COPB1: variants seen among roughly 807,000 people sequenced by gnomAD.
COPB1 encodes coat protein complex I subunit beta 1, also known as coatomer subunit beta.
Under a neutral mutation model 108.7 loss-of-function variants are expected in COPB1, and 21 were observed. That is an observed-to-expected ratio of 0.19 (90% CI 0.14 to 0.28). The LOEUF (loss-of-function observed/expected upper bound fraction) is 0.28, where lower values mean the gene tolerates loss of function less well. Ranked by LOEUF, COPB1 falls within the 10% of genes least tolerant of loss-of-function variation. The probability of loss-of-function intolerance (pLI) is 1.00; values close to 1 mark genes in which losing one functional copy is unlikely to be tolerated. For missense variants in COPB1, 919 were observed against 1,141.3 expected, an observed-to-expected ratio of 0.81 and a Z score of 2.81; for synonymous variants, 378 against 386.8, an observed-to-expected ratio of 0.98 and a Z score of 0.27.
At chr11:14,498,550 A>C (rs1421060252) in intron 2 of COPB1, among the ~76,000 whole-genome samples, 1 of 152,220 alleles carries the variant, frequency 6.6e-6, no homozygotes, top group Non-Finnish European at 1.5e-5. Context: ...CCTAGAGAAA[A>C]TAATCAGCCA....
rs537624696 is a variant in COPB1, at chr11:14,488,448, A to C, written c.699+44T>G. On this transcript the variant is annotated intron_variant, in intron 6 of 21. Transcript: ENST00000439561. ...GAAAGAAAGTATTTAACCCTGTCTT[A>C]AACTGCTGAGTTTATTTTACTCATC... 3.5e-5 allele frequency: 45 copies of C among 1,271,684 alleles called. 1 individual carries two copies. In the South Asian group the frequency reaches 5.7e-4, roughly 16 times the overall value. The allele number at this position is 1,271,684 out of a possible 1,614,324, so 78.8% of individuals were successfully genotyped here. A position where few individuals can be genotyped will look rare whatever the true frequency, so the allele number is the denominator to read the frequency against.
chr11:14,473,109 G>C (rs1261887406), intron 14 of COPB1, among the ~76,000 whole-genome samples: 1 of 152,080 alleles, frequency 6.6e-6, no homozygotes, highest in Admixed American at 6.6e-5. Flanking sequence ...CAAGTAGCTG[G>C]GAGTACAGGC....
intron 7 of COPB1, among the ~76,000 whole-genome samples, chr11:14,484,411 G>A (rs1169078618): frequency 6.6e-6 from 1 of 152,142 alleles, no homozygotes; most frequent in Non-Finnish European, 1.5e-5. Context: ...GAAAGGCTGG[G>A]TGAAGAATAT....
intron 4 of COPB1, among the ~76,000 whole-genome samples, chr11:14,491,357 A>C (rs1850898201): frequency 6.6e-6 from 1 of 152,136 alleles, no homozygotes; most frequent in Admixed American, 6.5e-5. Context: ...CTGCTTTTTG[A>C]AACTTCAAAT....
intron 10 of COPB1, 79 bp from the exon 11 acceptor site, chr11:14,479,793 A>C: frequency 7.5e-7 from 1 of 1,333,130 alleles, no homozygotes; most frequent in East Asian, 2.5e-5. Flanking sequence ...AATAAATTAA[A>C]AGAATGTAAT....
Position 14,486,378 on chromosome 11 carries a change from T to C in COPB1, c.826A>G (p.Thr276Ala), listed in dbSNP as rs994019512. 11 of 1,614,004 alleles carry C rather than the reference T, an allele frequency of 6.8e-6. No individual in the cohort carries two copies. Among genetic ancestry groups the C allele is most frequent in the South Asian group, 3.3e-5 (3 of 91,088 alleles). The change falls in exon 7 of 22, where the codon ACT becomes GCT. Residue 276 changes from threonine (T) to alanine (A), a missense_variant. This residue lies in a region of COPB1 where 705 missense variants were observed against 817.8 expected (regional missense o/e 0.86). Transcript: ENST00000439561. ...GTLVTLSSAPTAIKAAAQCYI... is the reference protein window; with the variant it reads ...GTLVTLSSAPAAIKAAAQCYI... ...GAAATACACAGTACCTTGATTGCAG[T>C]TGGTGCACTAGAGAGTGTCACTAAT...
intron 13 of COPB1, among the ~76,000 whole-genome samples, chr11:14,474,912 A>G (rs1370028551): frequency 6.6e-6 from 1 of 152,060 alleles, no homozygotes; most frequent in Non-Finnish European, 1.5e-5. Context: ...CCTGGCCAAC[A>G]TGGTGAAACC....
intron 18 of COPB1, among the ~76,000 whole-genome samples, chr11:14,461,957 T>A (rs938539471): frequency 6.6e-6 from 1 of 152,212 alleles, no homozygotes; most frequent in African/African-American, 2.4e-5. Context: ...CTAGCTTACT[T>A]ACAGTACCTA....
intron 10 of COPB1, 152 bp from the exon 11 acceptor site, chr11:14,479,866 C>G: frequency 1.3e-6 from 1 of 757,074 alleles, no homozygotes; most frequent in Non-Finnish European, 2.0e-6. Context: ...AATAGTGGCA[C>G]AATCATAGCT....
At chr11:14,490,413 A>T in intron 5 of COPB1, 152 bp downstream of exon 5, 1 of 497,256 alleles carries the variant, frequency 2.0e-6, no homozygotes, top group East Asian at 3.3e-5. Context: ...TAAGAAAAAA[A>T]TGTATTTTTC....
At chr11:14,485,770 C>T (rs987845570) in intron 7 of COPB1, among the ~76,000 whole-genome samples, 4 of 152,116 alleles carry the variant, frequency 2.6e-5, no homozygotes, top group Non-Finnish European at 5.9e-5. Flanking sequence ...ATTGCTTAAA[C>T]CCAGGAGGTG....
At chr11:14,493,324 G>A (rs929376252) in intron 4 of COPB1, among the ~76,000 whole-genome samples, 1 of 152,122 alleles carries the variant, frequency 6.6e-6, no homozygotes, top group Non-Finnish European at 1.5e-5. Context: ...AGCCTATAGA[G>A]GCTAAGCAAG....
intron 8 of COPB1, 103 bp from the exon 9 acceptor site, chr11:14,481,200 C>A (rs547282247): frequency 1.1e-5 from 9 of 824,230 alleles, no homozygotes; most frequent in South Asian, 1.0e-4. Flanking sequence ...CACTTTAATT[C>A]TTTAATCAAT....
chr11:14,488,898 G>A (rs1850834067), intron 5 of COPB1, among the ~76,000 whole-genome samples: 1 of 152,168 alleles, frequency 6.6e-6, no homozygotes, highest in Non-Finnish European at 1.5e-5. Flanking sequence ...TAGGTGTATA[G>A]TTATTCCTAT....
rs1850970262 is a variant in COPB1, at chr11:14,494,314, T to C, written c.217A>G (p.Thr73Ala). The change falls in exon 3 of 22, where the codon ACT becomes GCT. Residue 73 changes from threonine (T) to alanine (A), a missense_variant. Thr to Ala is a moderately conservative substitution (Grantham distance 58, BLOSUM62 0). This residue lies in a region of COPB1 where 92 missense variants were observed against 108.4 expected (regional missense o/e 0.85). Transcript: ENST00000439561. Reference sequence around the variant, plus strand: ...AATACCAGAAGTAATTTCTTGATAGTGTGATCCTGAAGAGGTAGCACAAAA... The same window carrying C: ...AATACCAGAAGTAATTTCTTGATAGCGTGATCCTGAAGAGGTAGCACAAAA... ...IRFVLPLQDH[T>A]IKKLLLVFWE... 6.2e-7 allele frequency: 1 copy of C among 1,613,606 alleles called. No individual in the cohort carries two copies. The highest frequency in any genetic ancestry group is 1.3e-5 in the African/African-American group (1 of 74,912).
At chr11:14,485,396 G>GT (rs1472187496) in intron 7 of COPB1, among the ~76,000 whole-genome samples, 1 of 152,092 alleles carries the variant, frequency 6.6e-6, no homozygotes, top group African/African-American at 2.4e-5. Flanking sequence ...CAAACTCCTG[G>GT]TTTTAAGCAA....
At position 14,477,015 on chromosome 11, in the gene COPB1, C is replaced by T. The variant is rs1381240942; in HGVS notation, c.1359G>A (p.Lys453=). ...LEVFHAIKSV[K]IYRGALWILG... ...GGATCCATAATGCTCCTCGGTAAAT[C>T]CTAGCACAATACAAGATCTGAAACA... Residue 453 remains lysine, a splice_region_variant and synonymous_variant, in exon 12 of 22, where the codon AAG becomes AAA. Transcript: ENST00000439561. 2 of 1,582,696 alleles carry T rather than the reference C, an allele frequency of 1.3e-6. No individual in the cohort carries two copies. Among genetic ancestry groups the T allele is most frequent in the South Asian group, 2.2e-5 (2 of 90,396 alleles).
Position 14,474,577 on chromosome 11 carries a change from A to G in COPB1, c.1655T>C (p.Phe552Ser). 2 of 1,614,032 alleles carry G rather than the reference A, an allele frequency of 1.2e-6. No individual in the cohort carries two copies. The highest frequency in any genetic ancestry group is 1.7e-6 in the Non-Finnish European group (2 of 1,179,946). ...LRGFLLDGDF[F>S]VAASLATTLT... ...AGTTGTGGCAAGGGAGGCAGCAACA[A>G]AGAAATCTCCATCCAGAAGGAATCC... The change falls in exon 14 of 22, where the codon TTT becomes TCT. Residue 552 changes from phenylalanine (F) to serine (S), a missense_variant. Phe to Ser is a radical substitution (Grantham distance 155). Coordinates refer to ENST00000439561, the MANE Select transcript of COPB1 (RefSeq NM_001144061.2).
intron 19 of COPB1, 68 bp downstream of exon 19, chr11:14,461,118 C>T: frequency 1.3e-6 from 2 of 1,577,416 alleles, no homozygotes; most frequent in Non-Finnish European, 1.7e-6. Context: ...ATTTTATTAG[C>T]AGACTCCTCA....
Sources: allele counts gnomAD v4.1 joint callset (sites outside exome capture counted in the v4.1 genomes callset), GRCh38; gene constraint gnomAD v4.1.1; regional missense constraint gnomAD v4.1.1; transcripts MANE v1.5; gene names NCBI Gene and HGNC (gene_info 2026-07-23, HGNC 2026-07-21).